The following CLEC3A variants were observed in gnomAD, a reference collection of about 807,000 sequenced individuals.
The protein encoded by CLEC3A is C-type (calcium dependent, carbohydrate-recognition domain) lectin, superfamily member 1 (cartilage-derived).
Under a neutral mutation model 20.4 loss-of-function variants are expected in CLEC3A, and 28 were observed. That is an observed-to-expected ratio of 1.37 (90% confidence interval 1.02 to 1.88). The LOEUF is 1.88. Ranked by LOEUF, CLEC3A falls within the 40% of genes most tolerant of loss-of-function variation. The pLI, the probability that CLEC3A is intolerant of heterozygous loss-of-function variation, is 0.00. For missense variants in CLEC3A, 357 were observed against 240.4 expected, an observed-to-expected ratio of 1.48 and a Z score of -3.21; for synonymous variants, 110 against 88.1, an observed-to-expected ratio of 1.25 and a Z score of -1.39.
At chr16:78,029,109 T>C (rs547405831) in intron 2 of CLEC3A, 44 of 455,728 alleles carry the variant, frequency 9.7e-5, no homozygotes, top group African/African-American at 8.0e-4. Flanking sequence ...GCTATTATGA[T>C]CCTAATTTTA....
intron 2 of CLEC3A, 64 bp downstream of exon 2, chr16:78,028,254 C>A: frequency 1.7e-6 from 2 of 1,203,826 alleles, no homozygotes; most frequent in Non-Finnish European, 2.3e-6. Context: ...GGGTCAATTT[C>A]TGGGGGACGT....
Position 78,030,829 on chromosome 16 carries a change from C to A in CLEC3A, c.582C>A (p.Thr194=). ...RSSKRYICEF[T]IPQ Reference sequence around the variant, plus strand: ...GCAAGAGATACATATGCGAGTTCACCATCCCTCAATAGGTCTTTCTCCAAT... The same window carrying A: ...GCAAGAGATACATATGCGAGTTCACAATCCCTCAATAGGTCTTTCTCCAAT... The change falls in exon 3 of 3, where the codon ACC becomes ACA. Residue 194 remains threonine (T), a synonymous_variant. Transcript: ENST00000299642. The A allele has an allele frequency of 6.2e-7, 1 of 1,612,030 alleles. No individual in the cohort carries two copies. Among genetic ancestry groups the A allele is most frequent in the Non-Finnish European group, 8.5e-7 (1 of 1,178,886 alleles).
In CLEC3A at chr16:78,022,638, T is replaced by C. The variant is rs916455983; in HGVS notation, c.12T>C (p.Asn4=). The C allele has an allele frequency of 7.4e-6, 12 of 1,614,014 alleles. No homozygotes were observed. Among genetic ancestry groups the C allele is most frequent in the Non-Finnish European group, 1.0e-5 (12 of 1,180,018 alleles). Residue 4 remains asparagine, a synonymous_variant, in exon 1 of 3, where the codon AAT becomes AAC. Coordinates refer to ENST00000299642, the MANE Select transcript of CLEC3A (RefSeq NM_005752.6). MAK[N]GLVICILVIT... Reference sequence around the variant, plus strand: ...CTTGCCCCAGAGCCATGGCAAAGAATGGACTTGTAATTTGCATCCTGGTGA... The same window carrying C: ...CTTGCCCCAGAGCCATGGCAAAGAACGGACTTGTAATTTGCATCCTGGTGA...
intron 1 of CLEC3A, among the ~76,000 whole-genome samples, chr16:78,027,719 G>T (rs2029968262): frequency 6.6e-6 from 1 of 151,988 alleles, no homozygotes; most frequent in African/African-American, 2.4e-5. Context: ...GCAGTGGAAT[G>T]ATCTTTGCTC....
intron 1 of CLEC3A, among the ~76,000 whole-genome samples, chr16:78,026,233 A>G (rs1422342293): frequency 6.6e-6 from 1 of 152,174 alleles, no homozygotes. Flanking sequence ...TCCTAACCCA[A>G]ATGAGGAAAC....
chr16:78,030,406 T>A (rs562372276), intron 2 of CLEC3A, 41 bp from the exon 3 acceptor site: 1 of 1,537,568 alleles, frequency 6.5e-7, no homozygotes, highest in African/African-American at 1.4e-5. Context: ...CATAATACAC[T>A]CAAAATGCAT....
At chr16:78,026,989 G>A (rs1237650089) in intron 1 of CLEC3A, among the ~76,000 whole-genome samples, 1 of 152,188 alleles carries the variant, frequency 6.6e-6, no homozygotes, top group Non-Finnish European at 1.5e-5. Context: ...ATCAGTCAGA[G>A]TATGAATTCT....
chr16:78,027,809 C>T (rs2029970158), intron 1 of CLEC3A, among the ~76,000 whole-genome samples: 1 of 152,158 alleles, frequency 6.6e-6, no homozygotes, highest in South Asian at 2.1e-4. Flanking sequence ...GCATTCAACA[C>T]CATGCCCAGC....
chr16:78,029,838 C>G (rs1459078456), intron 2 of CLEC3A, among the ~76,000 whole-genome samples: 1 of 152,072 alleles, frequency 6.6e-6, no homozygotes, highest in Non-Finnish European at 1.5e-5. Flanking sequence ...TGTGATCTCA[C>G]ATGCTGCAAA....
At chr16:78,028,064 C>G (rs770709509) in intron 1 of CLEC3A, 43 bp from the exon 2 acceptor site, 6 of 1,306,730 alleles carry the variant, frequency 4.6e-6, no homozygotes, top group East Asian at 2.3e-5. Context: ...TAATCATACG[C>G]TTTTCATCCA....
Position 78,030,893 on chromosome 16 carries a change from A to G in CLEC3A, c.*52A>G, listed in dbSNP as rs1313290931. 1.3e-6 allele frequency: 2 copies of G among 1,513,052 alleles called. No homozygotes were observed. Among genetic ancestry groups the G allele is most frequent in the Non-Finnish European group, 1.8e-6 (2 of 1,125,426 alleles). 93.7% of individuals were successfully genotyped at this position (1,513,052 alleles called of 1,614,324 possible). A position where few individuals can be genotyped will look rare whatever the true frequency, so the allele number is the denominator to read the frequency against. The stretch of plus-strand genomic sequence containing the variant: ...AAGATTCATCATAACTTATAGGTTC[A>G]TGATCTCTAAGATCAAGTAAAAATC... On this transcript the variant is annotated 3_prime_UTR_variant, in exon 3 of 3. Coordinates refer to ENST00000299642, the MANE Select transcript of CLEC3A (RefSeq NM_005752.6).
chr16:78,030,574 C>G lies in CLEC3A; in HGVS notation c.327C>G (p.Asp109Glu), dbSNP rs370712626. 2 of 1,614,176 alleles carry G rather than the reference C, an allele frequency of 1.2e-6. No individual in the cohort carries two copies. The highest frequency in any genetic ancestry group is 3.3e-5 in the Admixed American group (2 of 60,024). ...GGILVIPRNS[D>E]EINALQDYGK... ...TCCTGGTTATCCCCAGGAACTCCGACGAAATCAACGCCCTCCAAGACTATG... is the reference window on the plus strand; with the variant it reads ...TCCTGGTTATCCCCAGGAACTCCGAGGAAATCAACGCCCTCCAAGACTATG... Residue 109 changes from aspartate to glutamate, a missense_variant, in exon 3 of 3, where the codon GAC becomes GAG. Physicochemically the swap from Asp to Glu is conservative, Grantham distance 45 (BLOSUM62 2). Coordinates refer to ENST00000299642, the MANE Select transcript of CLEC3A (RefSeq NM_005752.6).
At chr16:78,025,066 C>G (rs1567542950) in intron 1 of CLEC3A, among the ~76,000 whole-genome samples, 1 of 152,182 alleles carries the variant, frequency 6.6e-6, no homozygotes, top group South Asian at 2.1e-4. Context: ...AAACTCCTGA[C>G]CTCAGGTGAT....
intron 2 of CLEC3A, among the ~76,000 whole-genome samples, chr16:78,029,935 T>C (rs201043396): frequency 6.6e-6 from 1 of 151,940 alleles, no homozygotes; most frequent in East Asian, 2.0e-4. Context: ...AGGCGGATCA[T>C]GAGGTCAGGA....
intron 2 of CLEC3A, among the ~76,000 whole-genome samples, chr16:78,029,520 C>T (rs1331808504): frequency 2.0e-5 from 3 of 152,180 alleles, no homozygotes; most frequent in African/African-American, 4.8e-5. Context: ...AGGCACACAC[C>T]ACCACATCCA....
intron 1 of CLEC3A, among the ~76,000 whole-genome samples, chr16:78,023,654 A>C (rs977877444): frequency 1.3e-5 from 2 of 152,148 alleles, no homozygotes; most frequent in African/African-American, 4.8e-5. Context: ...ATTTCACATG[A>C]CAGATGGCTG....
rs552842037 is a variant in CLEC3A, at chr16:78,030,275, C to T, written c.200-172C>T. ...TCATGGGGTTGTCAGGATTATGTAA[C>T]TTAATTTATGTAAAATGCTTAGCAT... On this transcript the variant is annotated intron_variant, in intron 2 of 2. Transcript: ENST00000299642. 5.9e-5 allele frequency among the ~76,000 whole-genome samples: 9 copies of T among 151,662 alleles called. No homozygotes were observed. The South Asian group carries it at 1.7e-3, about 28-fold the overall frequency.
intron 1 of CLEC3A, among the ~76,000 whole-genome samples, chr16:78,023,481 C>A (rs983016659): frequency 3.3e-5 from 5 of 152,032 alleles, no homozygotes; most frequent in African/African-American, 1.2e-4. Flanking sequence ...GTTTGCAATA[C>A]GTTGAAACCT....
intron 1 of CLEC3A, among the ~76,000 whole-genome samples, chr16:78,026,785 T>C (rs2029937778): frequency 6.6e-6 from 1 of 152,256 alleles, no homozygotes; most frequent in Non-Finnish European, 1.5e-5. Flanking sequence ...TGCCACTTAC[T>C]TATAGCCAAG....
Sources: gnomAD v4.1 joint callset for allele counts (sites outside exome capture counted in the v4.1 genomes callset) on GRCh38, gnomAD v4.1.1 for gene constraint, MANE v1.5 for transcripts, NCBI Gene and HGNC (gene_info 2026-07-23, HGNC 2026-07-21) for gene names.